MAGI2: variants seen among roughly 807,000 people sequenced by gnomAD.
MAGI2 encodes the protein membrane associated guanylate kinase, WW and PDZ domain containing 2.
A neutral mutation model predicts 133.3 loss-of-function variants in MAGI2; 35 were observed. The observed-to-expected ratio is 0.26, with a 90% CI of 0.20 to 0.35. The LOEUF (loss-of-function observed/expected upper bound fraction) is 0.35. Among genes scored for constraint, MAGI2 ranks in the 10% least tolerant of loss-of-function variants. The probability of loss-of-function intolerance (pLI) is 1.00; values close to 1 mark genes in which losing one functional copy is unlikely to be tolerated. For missense variants in MAGI2, 1,636 were observed against 1,863.4 expected (o/e 0.88, Z 2.25); for synonymous variants, 729 against 710.6 (o/e 1.03, Z -0.41).
intron 1 of MAGI2, among the ~76,000 whole-genome samples, chr7:79,308,684 G>A (rs1476788550): frequency 6.6e-6 from 1 of 152,098 alleles, no homozygotes; most frequent in Non-Finnish European, 1.5e-5. Flanking sequence ...ATGCCTTAAA[G>A]AAATTATTAA....
intron 6 of MAGI2, among the ~76,000 whole-genome samples, chr7:78,417,533 T>C (rs1435130583): frequency 6.6e-6 from 1 of 152,164 alleles, no homozygotes; most frequent in African/African-American, 2.4e-5. Flanking sequence ...ATATACTATT[T>C]ATTTTCATGT....
intron 2 of MAGI2, among the ~76,000 whole-genome samples, chr7:78,666,382 G>C (rs1456579447): frequency 6.6e-6 from 1 of 152,168 alleles, no homozygotes; most frequent in Non-Finnish European, 1.5e-5. Context: ...AAATGTGCCT[G>C]AGTTCATTGT....
intron 1 of MAGI2, among the ~76,000 whole-genome samples, chr7:79,077,437 T>TGTAGTCCCAGCTAA (rs1778422469): frequency 6.6e-6 from 1 of 150,800 alleles, no homozygotes; most frequent in Non-Finnish European, 1.5e-5. Context: ...GGCGGGCGCC[T>TGTAGTCCCAGCTAA]GTAGTCCCAG....
At chr7:79,432,900 T>G (rs1368993582) in intron 1 of MAGI2, among the ~76,000 whole-genome samples, 1 of 151,990 alleles carries the variant, frequency 6.6e-6, no homozygotes, top group Non-Finnish European at 1.5e-5. Context: ...TAAGGAGAAA[T>G]GGAGGAAGAA....
At chr7:78,574,011 T>C (rs569364512) in intron 3 of MAGI2, among the ~76,000 whole-genome samples, 11 of 152,324 alleles carry the variant, frequency 7.2e-5, no homozygotes, top group South Asian at 4.1e-4. Context: ...AGTTTCTCCA[T>C]TGATATTTCT....
At chr7:78,109,535 G>A (rs1266247835) in intron 20 of MAGI2, among the ~76,000 whole-genome samples, 1 of 151,924 alleles carries the variant, frequency 6.6e-6, no homozygotes, top group African/African-American at 2.4e-5. Context: ...GGGAGGCTGA[G>A]GCAGGAGAAT....
At chr7:78,521,834 T>C (rs1305494530) in intron 3 of MAGI2, among the ~76,000 whole-genome samples, 189 bp from the exon 4 acceptor site, 1 of 152,154 alleles carries the variant, frequency 6.6e-6, no homozygotes, top group Non-Finnish European at 1.5e-5. Context: ...ATTTGTTCCT[T>C]CTGTTGCGTT....
intron 20 of MAGI2, among the ~76,000 whole-genome samples, chr7:78,124,089 C>A (rs1263161600): frequency 6.6e-6 from 1 of 152,208 alleles, no homozygotes; most frequent in Non-Finnish European, 1.5e-5. Context: ...CGACAGAGAC[C>A]AGCCCTGTAG....
At chr7:78,579,322 G>C (rs1041205624) in intron 3 of MAGI2, among the ~76,000 whole-genome samples, 1 of 152,204 alleles carries the variant, frequency 6.6e-6, no homozygotes, top group Non-Finnish European at 1.5e-5. Context: ...ACAATGAATG[G>C]ATGGATGAGT....
chr7:78,709,760 A>ATATC (rs1818993196), intron 2 of MAGI2, among the ~76,000 whole-genome samples: 2 of 152,152 alleles, frequency 1.3e-5, no homozygotes, highest in African/African-American at 4.8e-5. Flanking sequence ...GTCCTCAGCT[A>ATATC]TATCTCTTAG....
rs550608355 is a variant in MAGI2, at chr7:78,114,125, T to C, written c.3567+11569A>G. ...ATATGTCTGTCAGGCTCCTGCTCTT[T>C]TTACTAGCTCGTTATTTCCTTACAA... On this transcript the variant is annotated intron_variant, in intron 20 of 21. Transcript: ENST00000354212. Among the ~76,000 whole-genome samples the C allele has an allele frequency of 7.9e-5, 12 of 152,302 alleles. No individual in the cohort carries two copies. In the East Asian group the frequency reaches 2.1e-3, roughly 27 times the overall value.
intron 2 of MAGI2, among the ~76,000 whole-genome samples, chr7:78,987,843 C>T (rs961566841): frequency 6.6e-6 from 1 of 151,956 alleles, no homozygotes; most frequent in African/African-American, 2.4e-5. Context: ...TACACACACA[C>T]ACACAGGCAC....
At position 78,160,585 on chromosome 7, in the gene MAGI2, T is replaced by A. The variant is rs141708160; in HGVS notation, c.2597-312A>T. ...CTGGGACAATGCCTAGTTTTAGATA[T>A]TGAGGTTCTTCTTTGCATAAGAATA... On this transcript the variant is annotated intron_variant, in intron 15 of 21. Coordinates refer to ENST00000354212, the MANE Select transcript of MAGI2 (RefSeq NM_012301.4). 1.6e-4 allele frequency among the ~76,000 whole-genome samples: 25 copies of A among 152,330 alleles called. No individual in the cohort carries two copies. The East Asian group carries it at 4.2e-3, about 26-fold the overall frequency.
intron 1 of MAGI2, among the ~76,000 whole-genome samples, chr7:79,401,723 T>G (rs1255960260): frequency 1.3e-5 from 2 of 152,148 alleles, no homozygotes; most frequent in African/African-American, 4.8e-5. Context: ...GTAAACATGC[T>G]AAGATTTTTT....
Position 78,557,097 on chromosome 7 carries a change from A to AAAAAAAAAAAAAAAAAG in MAGI2, c.539-35453_539-35452insCTTTTTTTTTTTTTTTT, listed in dbSNP as rs1554473311. ...CAGAGTCTCAAAAAAAAAAAAAAAAAAAAGAAAAAGAAAAAAAAAGAATTT... is the reference window on the plus strand; with the variant it reads ...CAGAGTCTCAAAAAAAAAAAAAAAAAAAAAAAAAAAAAAAAAGAAAGAAAAAGAAAAAAAAAGAATTT... On this transcript the variant is annotated intron_variant, in intron 3 of 21. Coordinates refer to ENST00000354212, the MANE Select transcript of MAGI2 (RefSeq NM_012301.4). Among the ~76,000 whole-genome samples, 6 of 139,006 alleles carry AAAAAAAAAAAAAAAAAG rather than the reference A, an allele frequency of 4.3e-5. No homozygotes were observed. In the South Asian group the frequency reaches 6.8e-4, roughly 16 times the overall value. The allele number at this position is 139,006 out of a possible 152,430, so 91.2% of individuals were successfully genotyped here.
chr7:78,962,803 T>A (rs544018990), intron 2 of MAGI2, among the ~76,000 whole-genome samples: 1 of 149,930 alleles, frequency 6.7e-6, no homozygotes, highest in Non-Finnish European at 1.5e-5. Context: ...TGAAGAATCA[T>A]TGGTATGTGA....
intron 1 of MAGI2, among the ~76,000 whole-genome samples, chr7:79,194,673 T>A (rs1185569664): frequency 1.5e-4 from 23 of 151,894 alleles, no homozygotes; most frequent in Admixed American, 1.3e-3. Flanking sequence ...AAAGTAAGCA[T>A]TTCACAGAGA....
At chr7:78,348,572 T>C (rs1791165790) in intron 7 of MAGI2, 1 of 152,180 alleles carries the variant, frequency 6.6e-6, no homozygotes, top group Non-Finnish European at 1.5e-5. Flanking sequence ...CCACCTTGGG[T>C]TCTCAGAAAA....
chr7:78,802,323 C>T (rs1788136812), intron 2 of MAGI2, among the ~76,000 whole-genome samples: 1 of 152,132 alleles, frequency 6.6e-6, no homozygotes, highest in South Asian at 2.1e-4. Flanking sequence ...TAACTGTAAT[C>T]TCCTTGAGGG....
Sources: allele counts gnomAD v4.1 joint callset (sites outside exome capture counted in the v4.1 genomes callset), GRCh38; gene constraint gnomAD v4.1.1; transcripts MANE v1.5; gene names NCBI Gene and HGNC (gene_info 2026-07-23, HGNC 2026-07-21).